Variants in CSMD3 observed in about 807,000 individuals in gnomAD.
CSMD3 encodes the protein CUB and Sushi multiple domains 3.
In CSMD3, 177 loss-of-function variants were observed where a neutral mutation model predicts 435.2. That is an observed-to-expected ratio of 0.41 (90% CI 0.36 to 0.46). The LOEUF is 0.46. Ranked by LOEUF, CSMD3 falls within the 20% of genes least tolerant of loss-of-function variation. CSMD3 has a pLI of 0.34. For synonymous variants in CSMD3, 1,656 were observed against 1,520.5 expected, an observed-to-expected ratio of 1.09 and a Z score of -2.07; for missense variants, 4,265 against 4,504.6, an observed-to-expected ratio of 0.95 and a Z score of 1.52.
intron 1 of CSMD3, among the ~76,000 whole-genome samples, chr8:113,359,057 T>C (rs1366316010): frequency 1.3e-5 from 2 of 151,836 alleles, no homozygotes; most frequent in Non-Finnish European, 2.9e-5. Flanking sequence ...AAAAAAAAAA[T>C]CTGTGAATAT....
chr8:112,716,552 T>A (rs2131946535), intron 13 of CSMD3, among the ~76,000 whole-genome samples: 1 of 152,276 alleles, frequency 6.6e-6, no homozygotes, highest in Non-Finnish European at 1.5e-5. Context: ...TTGACATTTT[T>A]CACATAATGA....
chr8:112,467,749 T>C (rs1818105574), intron 32 of CSMD3, among the ~76,000 whole-genome samples: 1 of 151,958 alleles, frequency 6.6e-6, no homozygotes, highest in Admixed American at 6.6e-5. Context: ...AAACAGACAG[T>C]TAGGAGAAAC....
At chr8:112,301,494 C>T (rs1456704634) in intron 53 of CSMD3, among the ~76,000 whole-genome samples, 1 of 151,976 alleles carries the variant, frequency 6.6e-6, no homozygotes, top group African/African-American at 2.4e-5. Flanking sequence ...ATAGCTACAG[C>T]GATTAATCCA....
intron 5 of CSMD3, among the ~76,000 whole-genome samples, chr8:113,094,963 C>T (rs1380453243): frequency 2.0e-5 from 3 of 151,684 alleles, no homozygotes; most frequent in Admixed American, 6.6e-5. Flanking sequence ...CCCAGCTACT[C>T]GGGAGGCTGA....
At chr8:112,316,926 C>T (rs943494033) in intron 47 of CSMD3, among the ~76,000 whole-genome samples, 2 of 151,820 alleles carry the variant, frequency 1.3e-5, no homozygotes, top group Non-Finnish European at 2.9e-5. Flanking sequence ...TAGGAAAAGT[C>T]AAAAAATTTT....
chr8:112,994,673 T>C (rs984900772), intron 6 of CSMD3, among the ~76,000 whole-genome samples: 6 of 151,592 alleles, frequency 4.0e-5, no homozygotes, highest in African/African-American at 1.5e-4. Context: ...TGTCTCCAAG[T>C]CTAATGCTTT....
intron 32 of CSMD3, among the ~76,000 whole-genome samples, chr8:112,454,046 T>C (rs1253508903): frequency 6.6e-6 from 1 of 152,142 alleles, no homozygotes; most frequent in African/African-American, 2.4e-5. Flanking sequence ...GGCTAGCCAT[T>C]TGAACAAGAA....
chr8:112,261,481 A>T (rs908832907), intron 61 of CSMD3, among the ~76,000 whole-genome samples: 1 of 151,472 alleles, frequency 6.6e-6, no homozygotes, highest in African/African-American at 2.4e-5. Context: ...TGGGTTTCTC[A>T]TTTCTATACA....
At chr8:113,353,109 G>A (rs1038095103) in intron 1 of CSMD3, among the ~76,000 whole-genome samples, 2 of 152,136 alleles carry the variant, frequency 1.3e-5, no homozygotes, top group African/African-American at 2.4e-5. Context: ...TCCTTATGAT[G>A]AATTTTGTGG....
intron 1 of CSMD3, among the ~76,000 whole-genome samples, chr8:113,399,387 C>T (rs1038541183): frequency 2.6e-5 from 4 of 151,664 alleles, no homozygotes; most frequent in Admixed American, 1.3e-4. Flanking sequence ...CTTAACAGCA[C>T]TGTTATAACA....
chr8:112,905,613 T>C (rs372800960), intron 10 of CSMD3, among the ~76,000 whole-genome samples: 9 of 151,524 alleles, frequency 5.9e-5, no homozygotes, highest in African/African-American at 1.9e-4. Context: ...ATGCTTACCA[T>C]CAATTATAAA....
intron 3 of CSMD3, among the ~76,000 whole-genome samples, chr8:113,247,875 T>C (rs1232240796): frequency 2.6e-5 from 4 of 152,110 alleles, no homozygotes; most frequent in Non-Finnish European, 5.9e-5. Context: ...GTAACTGACA[T>C]ATAATAAAAC....
intron 27 of CSMD3, among the ~76,000 whole-genome samples, chr8:112,529,623 T>C (rs1037491082): frequency 6.6e-6 from 1 of 151,908 alleles, no homozygotes; most frequent in African/African-American, 2.4e-5. Flanking sequence ...GCTGTCTGTT[T>C]CTCCTTGTAA....
chr8:112,638,985 A>T, intron 20 of CSMD3, 74 bp from the exon 21 acceptor site: 1 of 999,880 alleles, frequency 1.0e-6, no homozygotes, highest in Non-Finnish European at 1.6e-6. Flanking sequence ...CAAACTAACT[A>T]TTAGCCAGGA....
At chr8:113,191,484 A>G (rs2092583882) in intron 3 of CSMD3, among the ~76,000 whole-genome samples, 1 of 151,680 alleles carries the variant, frequency 6.6e-6, no homozygotes, top group African/African-American at 2.4e-5. Flanking sequence ...TATAAGTGAG[A>G]ACATGTGATG....
At chr8:113,147,802 C>A (rs2091711688) in intron 4 of CSMD3, among the ~76,000 whole-genome samples, 2 of 151,674 alleles carry the variant, frequency 1.3e-5, no homozygotes, top group Non-Finnish European at 2.9e-5. Flanking sequence ...TAAGGCCTTA[C>A]CATTCACACA....
At chr8:113,168,519 C>CCAAAAAAAA (rs2092201917) in intron 4 of CSMD3, among the ~76,000 whole-genome samples, 1 of 17,018 alleles carries the variant, frequency 5.9e-5, no homozygotes, top group African/African-American at 1.9e-4. Flanking sequence ...GACTCTGTCT[C>CCAAAAAAAA]AAAAAAAAAA....
chr8:112,717,452 A>G (rs560117042), intron 13 of CSMD3, among the ~76,000 whole-genome samples: 1 of 152,342 alleles, frequency 6.6e-6, no homozygotes, highest in South Asian at 2.1e-4. Flanking sequence ...GAATGCTTTT[A>G]CACTGTTGTT....
At chr8:113,040,698 G>C (rs1504338) in intron 5 of CSMD3, among the ~76,000 whole-genome samples, 93,277 of 151,956 alleles carry the variant, frequency 0.61, 30,512 homozygotes, top group East Asian at 0.95. Context: ...TGAAAGCTCA[G>C]TGTTGGAGAT....
Sources: gnomAD v4.1 joint callset for allele counts (sites outside exome capture counted in the v4.1 genomes callset) on GRCh38, gnomAD v4.1.1 for gene constraint, MANE v1.5 for transcripts, NCBI Gene and HGNC (gene_info 2026-07-23, HGNC 2026-07-21) for gene names.